The following HDAC10 variants were observed in gnomAD, a reference collection of about 807,000 sequenced individuals.
HDAC10 encodes the protein histone deacetylase 10, also known as polyamine deacetylase HDAC10.
In HDAC10, 90 loss-of-function variants were observed where a neutral mutation model predicts 82.3. The ratio of observed to expected loss-of-function variants is 1.09; its 90% CI spans 0.92 to 1.30. HDAC10 has a LOEUF of 1.30. Ranked by LOEUF, HDAC10 falls within the 50% of genes most tolerant of loss-of-function variation. The pLI, the probability that HDAC10 is intolerant of heterozygous loss-of-function variation, is 0.00. For missense variants in HDAC10, 934 were observed against 876.3 expected (o/e 1.07, Z -0.83); for synonymous variants, 456 against 391.7 (o/e 1.16, Z -1.94).
intron 17 of HDAC10, 39 bp downstream of exon 17, chr22:50,246,259 T>C: frequency 6.3e-7 from 1 of 1,583,198 alleles, no homozygotes; most frequent in Non-Finnish European, 8.7e-7. Context: ...ATCCATGGGC[T>C]CCCCAGCACC....
Position 50,245,198 on chromosome 22 carries a change from G to A in HDAC10, c.*309C>T. 1 of 540,512 alleles carries A rather than the reference G, an allele frequency of 1.9e-6. No homozygotes were observed. Among genetic ancestry groups the A allele is most frequent in the South Asian group, 2.1e-5 (1 of 47,240 alleles). 33.5% of individuals were successfully genotyped at this position (540,512 alleles called of 1,614,324 possible). ...AGAGCCAGCGTTTCGTTTGAGCGATGTTTACTAACGGCGCAAGGGCGGGGA... is the reference window on the plus strand; with the variant it reads ...AGAGCCAGCGTTTCGTTTGAGCGATATTTACTAACGGCGCAAGGGCGGGGA... On this transcript the variant is annotated 3_prime_UTR_variant, in exon 20 of 20. Transcript: ENST00000216271.
rs1601633363 is a variant in HDAC10, at chr22:50,250,903, G to A, written c.62C>T (p.Pro21Leu). 1 of 1,603,752 alleles carries A rather than the reference G, an allele frequency of 6.2e-7. No homozygotes were observed. The highest frequency in any genetic ancestry group is 8.5e-7 in the Non-Finnish European group (1 of 1,175,244). ...CTCAGGACGCTCGATCTCGCACTCG[G>A]GGCTGGGGCAGATGAGGAGCTCAGT... is the stretch of plus-strand genomic sequence containing the variant. ...MTATRLLWDDPECEIERPERL... is the reference protein window; with the variant it reads ...MTATRLLWDDLECEIERPERL... The change falls in exon 2 of 20, where the codon CCC becomes CTC. Residue 21 changes from proline (P) to leucine (L), a missense_variant and splice_region_variant. By Grantham distance (98) the Pro-to-Leu change is moderately conservative. Transcript: ENST00000216271.
rs200854533 is a variant in HDAC10 at position 50,247,781 on chromosome 22, G to A, written c.1338-5C>T. ...CGGGCCAGGGACTCGTGTGGCCTGTGGTGGACAGACCAGAGGGACACACAG... is the reference window on the plus strand; with the variant it reads ...CGGGCCAGGGACTCGTGTGGCCTGTAGTGGACAGACCAGAGGGACACACAG... On this transcript the variant is annotated splice_polypyrimidine_tract_variant and splice_region_variant and intron_variant, in intron 13 of 19. Coordinates refer to ENST00000216271, the MANE Select transcript of HDAC10 (RefSeq NM_032019.6). The A allele has an allele frequency of 6.2e-7, 1 of 1,612,738 alleles. No individual in the cohort carries two copies. Among genetic ancestry groups the A allele is most frequent in the Admixed American group, 1.7e-5 (1 of 60,024 alleles).
rs1257735166 is a variant in HDAC10 at position 50,247,928 on chromosome 22, T to C, written c.1299A>G (p.Glu433=). Reference sequence around the variant, plus strand: ...CTGTCTCCTCCCTCAGGGCTGACGCTTCCTGTTGGATGACGTCAGGGGGCA... The same window carrying C: ...CTGTCTCCTCCCTCAGGGCTGACGCCTCCTGTTGGATGACGTCAGGGGGCA... ...LVLPPDVIQQ[E]ASALREETEA... The change falls in exon 13 of 20, where the codon GAA becomes GAG. Residue 433 remains glutamate, a synonymous_variant. Coordinates refer to ENST00000216271, the MANE Select transcript of HDAC10 (RefSeq NM_032019.6). The C allele has an allele frequency of 6.2e-7, 1 of 1,612,794 alleles. No homozygotes were observed. The highest frequency in any genetic ancestry group is 8.5e-7 in the Non-Finnish European group (1 of 1,179,972).
At chr22:50,246,606 G>T in intron 16 of HDAC10, 73 bp downstream of exon 16, 1 of 1,457,334 alleles carries the variant, frequency 6.9e-7, no homozygotes, top group South Asian at 1.1e-5. Context: ...CGTCACCCTG[G>T]GGCCCAGGCA....
Position 50,245,851 on chromosome 22 carries a change from G to A in HDAC10, c.1834-24C>T, listed in dbSNP as rs748263087. ...TTCTGGACCAGGGGCGAAGACGGAA[G>A]CAGTCACTGGTCCTTTCCCTCGTCC... On this transcript the variant is annotated intron_variant, in intron 18 of 19. Transcript: ENST00000216271. 27 of 1,557,536 alleles carry A rather than the reference G, an allele frequency of 1.7e-5. No individual in the cohort carries two copies. The South Asian group carries it at 2.8e-4, about 16-fold the overall frequency.
chr22:50,249,043 C>G lies in HDAC10; in HGVS notation c.756+60G>C. ...CCCTCCTCCTGCCTTCACTGGCGCACTCCAGGCACAAGGTCCCCCTCCCAC... is the reference window on the plus strand; with the variant it reads ...CCCTCCTCCTGCCTTCACTGGCGCAGTCCAGGCACAAGGTCCCCCTCCCAC... On this transcript the variant is annotated intron_variant, in intron 8 of 19. Coordinates refer to ENST00000216271, the MANE Select transcript of HDAC10 (RefSeq NM_032019.6). The surrounding 1 kb of genome is among the most constrained non-coding windows in gnomAD (Gnocchi z 4.4). The G allele has an allele frequency of 6.7e-7, 1 of 1,485,956 alleles. No individual in the cohort carries two copies. The highest frequency in any genetic ancestry group is 9.2e-7 in the Non-Finnish European group (1 of 1,085,536). 92.0% of individuals were successfully genotyped at this position (1,485,956 alleles called of 1,614,324 possible).
Position 50,248,694 on chromosome 22 carries a change from G to C in HDAC10, c.874C>G (p.Leu292Val), listed in dbSNP as rs2065014231. The C allele has an allele frequency of 6.5e-7, 1 of 1,543,252 alleles. No individual in the cohort carries two copies. Among genetic ancestry groups the C allele is most frequent in the Non-Finnish European group, 8.8e-7 (1 of 1,142,738 alleles). The change falls in exon 10 of 20, where the codon CTG (leucine) becomes GTG (valine). Residue 292 changes from leucine (L) to valine (V), a missense_variant. Leu to Val is a conservative substitution (Grantham distance 32). Coordinates refer to ENST00000216271, the MANE Select transcript of HDAC10 (RefSeq NM_032019.6). This position sits in a 1 kb window ranked among gnomAD's most constrained non-coding sequence, Gnocchi z 5.4. ...ACGGCACAGACCCGGCCGCCGGCCA[G>C]CACCTGCAGCAGCTGTGTGAGGTGG... ...FAHLTQLLQV[L>V]AGGRVCAVLE...
At chr22:50,246,621 T>TC in intron 16 of HDAC10, 58 bp downstream of exon 16, 1 of 1,515,964 alleles carries the variant, frequency 6.6e-7, no homozygotes, top group Non-Finnish European at 9.1e-7. Flanking sequence ...CAGGCACACG[T>TC]CCATCACATG....
At position 50,248,290 on chromosome 22, in the gene HDAC10, G is replaced by A. The variant is rs750951494; in HGVS notation, c.1016C>T (p.Ala339Val). ...LSGPMAPCQSALESIQSARAA... is the reference protein window; with the variant it reads ...LSGPMAPCQSVLESIQSARAA... Reference sequence around the variant, plus strand: ...ACGGGCACTCTGGATGGACTCTAGGGCACTGTGAGGGAGACACAACAGTCG... The same window carrying A: ...ACGGGCACTCTGGATGGACTCTAGGACACTGTGAGGGAGACACAACAGTCG... The change falls in exon 12 of 20, where the codon GCC becomes GTC. Residue 339 changes from alanine to valine, a missense_variant and splice_region_variant. Physicochemically the swap from Ala to Val is moderately conservative, Grantham distance 64. Coordinates refer to ENST00000216271, the MANE Select transcript of HDAC10 (RefSeq NM_032019.6). The surrounding 1 kb of genome is among the most constrained non-coding windows in gnomAD (Gnocchi z 5.4). 1.2e-6 allele frequency: 2 copies of A among 1,612,414 alleles called. No homozygotes were observed. The highest frequency in any genetic ancestry group is 1.7e-6 in the Non-Finnish European group (2 of 1,179,898).
chr22:50,246,932 G>A lies in HDAC10; in HGVS notation c.1457C>T (p.Ala486Val), dbSNP rs775382221. Reference sequence around the variant, plus strand: ...AGCCACATCCAGGGTGGCTGCTGCAGCAGAGGCTGGAGTGGCTGCTATACC... The same window carrying A: ...AGCCACATCCAGGGTGGCTGCTGCAACAGAGGCTGGAGTGGCTGCTATACC... The part of the protein sequence containing the change: ...NSGIAATPAS[A>V]AAATLDVAVR... The change falls in exon 15 of 20, where the codon GCT becomes GTT. Residue 486 changes from alanine (A) to valine (V), a missense_variant. Transcript: ENST00000216271. The A allele has an allele frequency of 2.5e-6, 4 of 1,611,764 alleles. No homozygotes were observed. In the Admixed American group the frequency reaches 5.0e-5, roughly 20 times the overall value.
rs753872973 is a variant in HDAC10 at position 50,248,012 on chromosome 22, G to A, written c.1215C>T (p.Cys405=). 3 of 1,612,722 alleles carry A rather than the reference G, an allele frequency of 1.9e-6. No individual in the cohort carries two copies. The South Asian group carries it at 3.3e-5, about 18-fold the overall frequency. Residue 405 remains cysteine, a synonymous_variant, in exon 13 of 20, where the codon TGC becomes TGT. Coordinates refer to ENST00000216271, the MANE Select transcript of HDAC10 (RefSeq NM_032019.6). This position sits in a 1 kb window ranked among gnomAD's most constrained non-coding sequence, Gnocchi z 5.4. ...CAGCGGTGCGGACAGAGGGTGCGGG[G>A]CAGAGGCACGGCTGGTCCAGGAGGG... is the stretch of plus-strand genomic sequence containing the variant. The part of the protein sequence containing the change: ...PSSLLDQPCL[C]PAPSVRTAVA...
Position 50,248,021 on chromosome 22 carries a change from C to A in HDAC10, c.1206G>T (p.Pro402=), listed in dbSNP as rs1033481311. 6.2e-7 allele frequency: 1 copy of A among 1,612,510 alleles called. No individual in the cohort carries two copies. Among genetic ancestry groups the A allele is most frequent in the African/African-American group, 1.3e-5 (1 of 74,910 alleles). ...GGACAGAGGGTGCGGGGCAGAGGCA[C>A]GGCTGGTCCAGGAGGGAGCTCGGTG... ...ASAPSSLLDQ[P]CLCPAPSVRT... The change falls in exon 13 of 20, where the codon CCG becomes CCT. Residue 402 remains proline (P), a synonymous_variant. Transcript: ENST00000216271. The surrounding 1 kb of genome is among the most constrained non-coding windows in gnomAD (Gnocchi z 5.4).
rs375324122 is a variant in HDAC10 at position 50,247,816 on chromosome 22, G to A, written c.1338-40C>T. 311 of 1,612,586 alleles carry A rather than the reference G, an allele frequency of 1.9e-4. 1 individual carries two copies. In the African/African-American group the frequency reaches 3.8e-3, roughly 20 times the overall value. On this transcript the variant is annotated intron_variant, in intron 13 of 19. Coordinates refer to ENST00000216271, the MANE Select transcript of HDAC10 (RefSeq NM_032019.6). ...CCAGAGGGACACACAGACACGGAGT[G>A]ACCGCAGGTCAGGCACACACAGGCA...
At chr22:50,250,651 A>C (rs2065067397) in intron 2 of HDAC10, 120 bp downstream of exon 2, 1 of 1,324,442 alleles carries the variant, frequency 7.6e-7, no homozygotes, top group African/African-American at 1.4e-5. Context: ...AGCCCACCCG[A>C]GGTGCATAGG....
At position 50,247,933 on chromosome 22, in the gene HDAC10, G is replaced by A; in HGVS notation, c.1294C>T (p.Gln432Ter). 1 of 1,612,870 alleles carries A rather than the reference G, an allele frequency of 6.2e-7. No individual in the cohort carries two copies. Among genetic ancestry groups the A allele is most frequent in the Non-Finnish European group, 8.5e-7 (1 of 1,179,996 alleles). Residue 432 changes from glutamine (Q) to a stop codon, truncating the protein, a stop_gained, in exon 13 of 20, where the codon CAG becomes TAG. Transcript: ENST00000216271. LOFTEE classifies it high-confidence loss of function. ...TCCTCCCTCAGGGCTGACGCTTCCT[G>A]TTGGATGACGTCAGGGGGCAGAACC... ...TLVLPPDVIQ[Q>*]EASALREETE... is the part of the protein sequence containing the mutation.
In HDAC10 at chr22:50,245,256, G is replaced by T; in HGVS notation, c.*251C>A. On this transcript the variant is annotated 3_prime_UTR_variant, in exon 20 of 20. Coordinates refer to ENST00000216271, the MANE Select transcript of HDAC10 (RefSeq NM_032019.6). ...GCAGCGGGGCGCAGGGGCCGGAACGGGACCGAGCGTGGGTTGCATGGGCCT... is the reference window on the plus strand; with the variant it reads ...GCAGCGGGGCGCAGGGGCCGGAACGTGACCGAGCGTGGGTTGCATGGGCCT... 1 of 591,104 alleles carries T rather than the reference G, an allele frequency of 1.7e-6. No individual in the cohort carries two copies. 36.6% of individuals were successfully genotyped at this position (591,104 alleles called of 1,614,324 possible).
At position 50,248,161 on chromosome 22, in the gene HDAC10, A is replaced by G. The variant is rs146206923; in HGVS notation, c.1082-16T>C. On this transcript the variant is annotated splice_polypyrimidine_tract_variant and intron_variant, in intron 12 of 19. Coordinates refer to ENST00000216271, the MANE Select transcript of HDAC10 (RefSeq NM_032019.6). This position sits in a 1 kb window ranked among gnomAD's most constrained non-coding sequence, Gnocchi z 5.4. The stretch of plus-strand genomic sequence containing the variant: ...GCGGTCACATCTAGGGACAGTTCGG[A>G]GTCATAGCCACTGCACAGGAGCCCG... 4.0e-4 allele frequency: 633 copies of G among 1,591,438 alleles called. 1 individual carries two copies. In the African/African-American group the frequency reaches 8.0e-3, roughly 20 times the overall value.
Position 50,247,700 on chromosome 22 carries a change from C to T in HDAC10, c.1414G>A (p.Asp472Asn). ...KLLYLLDGML[D>N]GQVNSGIAAT... Reference sequence around the variant, plus strand: ...CTCCCAGGTGCTCCCACCTGCCCATCCAGCATCCCATCTAAGAGGTACAGG... The same window carrying T: ...CTCCCAGGTGCTCCCACCTGCCCATTCAGCATCCCATCTAAGAGGTACAGG... Residue 472 changes from aspartate (D) to asparagine (N), a missense_variant, in exon 14 of 20, where the codon GAT becomes AAT. Transcript: ENST00000216271. The T allele has an allele frequency of 6.4e-7, 1 of 1,573,764 alleles. No individual in the cohort carries two copies. Among genetic ancestry groups the T allele is most frequent in the Non-Finnish European group, 8.7e-7 (1 of 1,153,698 alleles).
Sources: allele counts gnomAD v4.1 joint callset, GRCh38; gene constraint gnomAD v4.1.1; non-coding constraint Gnocchi (gnomAD v3.1); transcripts MANE v1.5; gene names NCBI Gene and HGNC (gene_info 2026-07-23, HGNC 2026-07-21).